The following SLC38A2 variants were observed in gnomAD, a reference collection of about 807,000 sequenced individuals.
SLC38A2 encodes the protein solute carrier family 38 member 2, also known as sodium-coupled neutral amino acid symporter 2.
SLC38A2 carries 11 observed loss-of-function variants against 61.5 expected under a neutral mutation model. That is an observed-to-expected ratio of 0.18 (90% CI 0.11 to 0.30). The LOEUF is 0.30. SLC38A2 is among the 10% of genes least tolerant of loss of function. The pLI is 1.00. For missense variants in SLC38A2, 522 were observed against 600.4 expected (o/e 0.87, Z 1.36); for synonymous variants, 217 against 212.5 (o/e 1.02, Z -0.18).
At chr12:46,362,928 G>C (rs1474828283) in intron 13 of SLC38A2, 93 bp downstream of exon 13, 26 of 1,484,976 alleles carry the variant, frequency 1.8e-5, no homozygotes, top group Non-Finnish European at 2.4e-5. Context: ...TTGTTCTACT[G>C]GTGTTTCCCT....
In SLC38A2 at chr12:46,366,869, T is replaced by C. The variant is rs778556525; in HGVS notation, c.558A>G (p.Lys186=). 23 of 1,612,530 alleles carry C rather than the reference T, an allele frequency of 1.4e-5. No individual in the cohort carries two copies. The highest frequency in any genetic ancestry group is 1.9e-5 in the Non-Finnish European group (23 of 1,179,522). The change falls in exon 7 of 16, where the codon AAA becomes AAG. Residue 186 remains lysine, a synonymous_variant. Transcript: ENST00000256689. ...TAACCTTACTTAGCACCTACCCAGTTTTATCTTCAATGTTCGTTAATGCCT... is the reference window on the plus strand; with the variant it reads ...TAACCTTACTTAGCACCTACCCAGTCTTATCTTCAATGTTCGTTAATGCCT... ...VIQALTNIED[K]TGLWYLNGNY...
In SLC38A2 at chr12:46,363,754, G is replaced by A. The variant is rs374617287; in HGVS notation, c.1026C>T (p.Ala342=). 55 of 1,590,618 alleles carry A rather than the reference G, an allele frequency of 3.5e-5. No individual in the cohort carries two copies. The highest frequency in any genetic ancestry group is 2.6e-4 in the Admixed American group (14 of 53,472). The change falls in exon 12 of 16, where the codon GCC becomes GCT. Residue 342 remains alanine (A), a synonymous_variant. Transcript: ENST00000256689. ...AAAATGTTAGGTATCCAAAGAGGGCGGCAAGCAGATACATGAGAAACATAG... is the reference window on the plus strand; with the variant it reads ...AAAATGTTAGGTATCCAAAGAGGGCAGCAAGCAGATACATGAGAAACATAG... ...FFAMFLMYLL[A]ALFGYLTFYE...
At chr12:46,366,585 A>C (rs1222311457) in intron 7 of SLC38A2, among the ~76,000 whole-genome samples, 1 of 152,188 alleles carries the variant, frequency 6.6e-6, no homozygotes, top group Non-Finnish European at 1.5e-5. Context: ...AAAAACACCT[A>C]TAACTTCTTT....
At position 46,358,775 on chromosome 12, in the gene SLC38A2, T is replaced by C. The variant is rs1943049574; in HGVS notation, c.*2336A>G. On this transcript the variant is annotated 3_prime_UTR_variant, in exon 16 of 16. Coordinates refer to ENST00000256689, the MANE Select transcript of SLC38A2 (RefSeq NM_018976.5). ...TAAATATTGAAAAATAGGTTAGCTT[T>C]AATGGATTAATGTTGTTCTATAAAT... 1 of 152,664 alleles carries C rather than the reference T, an allele frequency of 6.6e-6. No individual in the cohort carries two copies. The highest frequency in any genetic ancestry group is 1.5e-5 in the Non-Finnish European group (1 of 68,044). The allele number at this position is 152,664 out of a possible 1,614,324, so 9.5% of individuals were successfully genotyped here. A position where few individuals can be genotyped will look rare whatever the true frequency, so the allele number is the denominator to read the frequency against.
chr12:46,369,491 C>T (rs1943172037), intron 4 of SLC38A2, among the ~76,000 whole-genome samples: 1 of 152,126 alleles, frequency 6.6e-6, no homozygotes, highest in Non-Finnish European at 1.5e-5. Flanking sequence ...TAGAAGGCAC[C>T]AATCAGCTAA....
chr12:46,361,234 A>G lies in SLC38A2; in HGVS notation c.1423-25T>C, dbSNP rs150987604. 12,325 of 1,575,554 alleles carry G rather than the reference A, an allele frequency of 7.8e-3. 1,534 individuals are homozygous for G. The Admixed American group carries it at 0.2, about 25-fold the overall frequency. ...CCTGCAAAGAGCATAGAGAAAATTGATCAGCAAGTAATAAAACATATATGC... is the reference window on the plus strand; with the variant it reads ...CCTGCAAAGAGCATAGAGAAAATTGGTCAGCAAGTAATAAAACATATATGC... On this transcript the variant is annotated intron_variant, in intron 15 of 15. Transcript: ENST00000256689.
intron 15 of SLC38A2, 78 bp from the exon 16 acceptor site, chr12:46,361,287 T>G (rs963182541): frequency 1.7e-6 from 2 of 1,159,276 alleles, no homozygotes; most frequent in African/African-American, 3.1e-5. Context: ...TTTTGAAATG[T>G]GCTTTAATTA....
chr12:46,372,056 T>C (rs1217529847), intron 1 of SLC38A2, among the ~76,000 whole-genome samples: 2 of 152,228 alleles, frequency 1.3e-5, no homozygotes, highest in Non-Finnish European at 2.9e-5. Context: ...AGAAAACTGA[T>C]GCAATATCGA....
At chr12:46,361,299 T>A in intron 15 of SLC38A2, 90 bp from the exon 16 acceptor site, 1 of 1,000,330 alleles carries the variant, frequency 1.0e-6, no homozygotes, top group Non-Finnish European at 1.5e-6. Context: ...CTTTAATTAC[T>A]AAAATCTATC....
In SLC38A2 at chr12:46,372,736, T is replaced by G. The variant is rs971130267; in HGVS notation, c.-314A>C. ...GTGGTCGGGCTGCTGCTAGCAGTAC[T>G]GGAAAGGCGTTCTAAGGCGGCGGCG... On this transcript the variant is annotated 5_prime_UTR_variant, in exon 1 of 16. Coordinates refer to ENST00000256689, the MANE Select transcript of SLC38A2 (RefSeq NM_018976.5). 2.5e-6 allele frequency: 1 copy of G among 398,454 alleles called. No individual in the cohort carries two copies. Among genetic ancestry groups the G allele is most frequent in the Non-Finnish European group, 4.4e-6 (1 of 225,926 alleles). 24.7% of individuals were successfully genotyped at this position (398,454 alleles called of 1,614,324 possible).
chr12:46,363,850 A>C (rs761182145), intron 11 of SLC38A2, 24 bp from the exon 12 acceptor site: 1 of 1,587,676 alleles, frequency 6.3e-7, no homozygotes, highest in Non-Finnish European at 8.5e-7. Flanking sequence ...GAGAAAATTC[A>C]AATATATATT....
chr12:46,371,552 G>A (rs1943201171), intron 1 of SLC38A2, 173 bp from the exon 2 acceptor site: 3 of 456,542 alleles, frequency 6.6e-6, no homozygotes, highest in Non-Finnish European at 1.2e-5. Flanking sequence ...AGACGGCGGA[G>A]CCGCGGGGAG....
intron 10 of SLC38A2, 49 bp from the exon 11 acceptor site, chr12:46,364,052 C>A: frequency 1.4e-6 from 2 of 1,460,436 alleles, no homozygotes; most frequent in Non-Finnish European, 9.4e-7. Flanking sequence ...CGAACTCATG[C>A]TGTCACATTT....
rs1359657240 is a variant in SLC38A2 at position 46,364,929 on chromosome 12, G to A, written c.646+178C>T. 4.3e-6 allele frequency: 3 copies of A among 695,042 alleles called. No individual in the cohort carries two copies. The East Asian group carries it at 8.3e-5, about 19-fold the overall frequency. The allele number at this position is 695,042 out of a possible 1,614,324, so 43.1% of individuals were successfully genotyped here. A position where few individuals can be genotyped will look rare whatever the true frequency, so the allele number is the denominator to read the frequency against. Reference sequence around the variant, plus strand: ...TATCATTTGCATTATTTCTTACAAAGCACAACATATAGTGTCAATTAAATA... The same window carrying A: ...TATCATTTGCATTATTTCTTACAAAACACAACATATAGTGTCAATTAAATA... On this transcript the variant is annotated intron_variant, in intron 8 of 15. Transcript: ENST00000256689.
intron 4 of SLC38A2, among the ~76,000 whole-genome samples, chr12:46,368,551 C>T (rs780332072): frequency 4.6e-5 from 7 of 152,096 alleles, no homozygotes; most frequent in Non-Finnish European, 1.5e-5. Context: ...AATAACAAAA[C>T]AGGGAAACTC....
rs370977681 is a variant in SLC38A2 at position 46,359,915 on chromosome 12, C to G, written c.*1196G>C. 1 of 152,606 alleles carries G rather than the reference C, an allele frequency of 6.6e-6. No homozygotes were observed. Among genetic ancestry groups the G allele is most frequent in the Non-Finnish European group, 1.5e-5 (1 of 68,020 alleles). 9.5% of individuals were successfully genotyped at this position (152,606 alleles called of 1,614,324 possible). A position where few individuals can be genotyped will look rare whatever the true frequency, so the allele number is the denominator to read the frequency against. On this transcript the variant is annotated 3_prime_UTR_variant, in exon 16 of 16. Coordinates refer to ENST00000256689, the MANE Select transcript of SLC38A2 (RefSeq NM_018976.5). ...ACTGCATGAGAAACCCAGTGGCCTA[C>G]GCAAAGAGAACTTATATCATATCAA...
At chr12:46,361,251 CAT>C (rs1565826589) in intron 15 of SLC38A2, 42 bp from the exon 16 acceptor site, 5 of 1,467,466 alleles carry the variant, frequency 3.4e-6, no homozygotes, top group Non-Finnish European at 4.8e-6. Context: ...AGTAATAAAA[CAT>C]ATATGCTAAA....
intron 10 of SLC38A2, among the ~76,000 whole-genome samples, 153 bp downstream of exon 10, chr12:46,364,236 A>G (rs553720725): frequency 6.6e-6 from 1 of 152,202 alleles, no homozygotes; most frequent in East Asian, 1.9e-4. Context: ...TTTCAGATGT[A>G]AACCAAAACT....
intron 10 of SLC38A2, 118 bp from the exon 11 acceptor site, chr12:46,364,121 A>C: frequency 2.2e-6 from 2 of 922,102 alleles, no homozygotes; most frequent in Non-Finnish European, 3.2e-6. Context: ...TCCTTTGTGT[A>C]ATTAGCTTCC....
Sources: gnomAD v4.1 joint callset for allele counts (sites outside exome capture counted in the v4.1 genomes callset) on GRCh38, gnomAD v4.1.1 for gene constraint, MANE v1.5 for transcripts, NCBI Gene and HGNC (gene_info 2026-07-23, HGNC 2026-07-21) for gene names.